Variants in PALS2 observed in about 807,000 individuals in gnomAD.
PALS2 encodes protein PALS2.
Under a neutral mutation model 61.6 loss-of-function variants are expected in PALS2, and 27 were observed. That is an observed-to-expected ratio of 0.44 (90% CI 0.32 to 0.60). The LOEUF (loss-of-function observed/expected upper bound fraction) is 0.60. Among genes scored for constraint, PALS2 ranks in the 20% least tolerant of loss-of-function variants. PALS2 has a pLI of 0.05. For missense variants in PALS2, 554 were observed against 639.4 expected (o/e 0.87, Z 1.44); for synonymous variants, 236 against 218.6 (o/e 1.08, Z -0.70).
chr7:24,651,642 T>C (rs1238262843), intron 5 of PALS2, among the ~76,000 whole-genome samples: 1 of 152,174 alleles, frequency 6.6e-6, no homozygotes, highest in African/African-American at 2.4e-5. Flanking sequence ...TTGAAAATTA[T>C]GATAGGAGTG....
chr7:24,646,574 T>A (rs1392577757), intron 3 of PALS2, among the ~76,000 whole-genome samples: 3 of 152,248 alleles, frequency 2.0e-5, no homozygotes, highest in African/African-American at 7.2e-5. Flanking sequence ...TTGAGGATTT[T>A]GACATTAATG....
chr7:24,581,772 A>G (rs1021108310), intron 1 of PALS2, among the ~76,000 whole-genome samples: 3 of 152,236 alleles, frequency 2.0e-5, no homozygotes, highest in East Asian at 3.8e-4. Context: ...ACTATTGCCA[A>G]TAGCTTTTTT....
At chr7:24,608,821 C>T (rs989233) in intron 1 of PALS2, among the ~76,000 whole-genome samples, 16,356 of 152,076 alleles carry the variant, frequency 0.11, 1,495 homozygotes, top group East Asian at 0.47. Context: ...CTCTATTGCC[C>T]AGGCTGGTCT....
intron 11 of PALS2, among the ~76,000 whole-genome samples, chr7:24,686,933 G>C (rs1788234016): frequency 6.6e-6 from 1 of 152,176 alleles, no homozygotes; most frequent in Non-Finnish European, 1.5e-5. Flanking sequence ...TATGTGTTTT[G>C]GTGGAGGATG....
chr7:24,675,790 A>G (rs939935886), intron 9 of PALS2, among the ~76,000 whole-genome samples: 1 of 122,652 alleles, frequency 8.2e-6, no homozygotes, highest in Non-Finnish European at 1.6e-5. Context: ...CCAGTCTATC[A>G]TTGTTGGACA....
At chr7:24,660,236 A>G (rs1786646445) in intron 5 of PALS2, among the ~76,000 whole-genome samples, 1 of 145,386 alleles carries the variant, frequency 6.9e-6, no homozygotes, top group African/African-American at 2.7e-5. Context: ...ATATAGGTGA[A>G]TCATTCCCAT....
rs1788385581 is a variant in PALS2 at position 24,689,764 on chromosome 7, CACA to C, written c.*2151_*2153del. On this transcript the variant is annotated 3_prime_UTR_variant, in exon 12 of 12. Transcript: ENST00000222644. ...CTTCTCAAAGCAACATGAATTAAAGCACAGTATCAAGGTGATGCCCTATGACAA... is the reference window on the plus strand; with the variant it reads ...CTTCTCAAAGCAACATGAATTAAAGCGTATCAAGGTGATGCCCTATGACAA... 6.6e-6 allele frequency: 1 copy of C among 151,890 alleles called. No individual in the cohort carries two copies. 9.4% of individuals were successfully genotyped at this position (151,890 alleles called of 1,614,324 possible).
At chr7:24,620,275 A>G (rs993514766) in intron 1 of PALS2, 1 of 152,150 alleles carries the variant, frequency 6.6e-6, no homozygotes, top group African/African-American at 2.4e-5. Flanking sequence ...ATCTCTCATT[A>G]TTTGTTATAA....
At chr7:24,681,605 C>G (rs1175843371) in intron 11 of PALS2, among the ~76,000 whole-genome samples, 6 of 149,552 alleles carry the variant, frequency 4.0e-5, no homozygotes, top group Non-Finnish European at 5.9e-5. Flanking sequence ...TACTCATTGT[C>G]ACCTAAATCT....
At chr7:24,608,657 A>G (rs1182107389) in intron 1 of PALS2, among the ~76,000 whole-genome samples, 1 of 152,212 alleles carries the variant, frequency 6.6e-6, no homozygotes, top group Non-Finnish European at 1.5e-5. Context: ...GCTGTTACCT[A>G]GTAGCACAGT....
rs1788409756 is a variant in PALS2 at position 24,690,309 on chromosome 7, A to G, written c.*2695A>G. The G allele has an allele frequency of 6.6e-6, 1 of 152,234 alleles. No homozygotes were observed. Among genetic ancestry groups the G allele is most frequent in the Non-Finnish European group, 1.5e-5 (1 of 68,040 alleles). 9.4% of individuals were successfully genotyped at this position (152,234 alleles called of 1,614,324 possible). ...AGGGTTCTTCCTAGGTAATGAGAGT[A>G]TAGCTGTGATCAAGGAAATGTGAAC... On this transcript the variant is annotated 3_prime_UTR_variant, in exon 12 of 12. Transcript: ENST00000222644.
intron 1 of PALS2, among the ~76,000 whole-genome samples, chr7:24,599,246 A>G (rs1783630867): frequency 6.6e-6 from 1 of 152,140 alleles, no homozygotes; most frequent in African/African-American, 2.4e-5. Context: ...GCTTACCATG[A>G]ATGGAGCTTG....
At chr7:24,673,763 T>C (rs1476996102) in intron 9 of PALS2, among the ~76,000 whole-genome samples, 1 of 152,136 alleles carries the variant, frequency 6.6e-6, no homozygotes, top group East Asian at 1.9e-4. Context: ...TGATTTTCTG[T>C]ATTTTTTCTA....
At chr7:24,674,777 TA>T (rs1204480568) in intron 9 of PALS2, among the ~76,000 whole-genome samples, 26 of 152,202 alleles carry the variant, frequency 1.7e-4, no homozygotes, top group Admixed American at 1.7e-3. Context: ...GATCCTAAGA[TA>T]AAATAGAAAA....
chr7:24,642,397 C>G (rs763791590), intron 3 of PALS2, among the ~76,000 whole-genome samples: 1 of 152,088 alleles, frequency 6.6e-6, no homozygotes, highest in Non-Finnish European at 1.5e-5. Flanking sequence ...AAGAAGAATG[C>G]ATTTCAGAAG....
chr7:24,607,288 A>T (rs1783935047), intron 1 of PALS2, among the ~76,000 whole-genome samples: 9 of 152,134 alleles, frequency 5.9e-5, no homozygotes, highest in Admixed American at 5.9e-4. Context: ...TTTATGAAGC[A>T]ATTCATTATT....
intron 5 of PALS2, among the ~76,000 whole-genome samples, chr7:24,660,157 G>C (rs1786641673): frequency 6.6e-6 from 1 of 151,784 alleles, no homozygotes; most frequent in African/African-American, 2.4e-5. Context: ...CATGTTGGAG[G>C]GTCCTTGTTA....
At chr7:24,629,642 A>G (rs1010903595) in intron 2 of PALS2, among the ~76,000 whole-genome samples, 1 of 152,160 alleles carries the variant, frequency 6.6e-6, no homozygotes, top group South Asian at 2.1e-4. Flanking sequence ...CAAGAAAAAA[A>G]CAACCCCATC....
chr7:24,682,514 T>C (rs1205657286), intron 11 of PALS2, among the ~76,000 whole-genome samples: 1 of 152,200 alleles, frequency 6.6e-6, no homozygotes, highest in African/African-American at 2.4e-5. Context: ...CCCATCCTAC[T>C]GCCCAGAAAC....
Sources: allele counts gnomAD v4.1 joint callset (sites outside exome capture counted in the v4.1 genomes callset), GRCh38; gene constraint gnomAD v4.1.1; transcripts MANE v1.5; gene names NCBI Gene and HGNC (gene_info 2026-07-23, HGNC 2026-07-21).